Variants in FASTKD2 observed in about 807,000 individuals in gnomAD.
FASTKD2 encodes FAST kinase domains 2.
FASTKD2 carries 51 observed loss-of-function variants against 63.6 expected under a neutral mutation model. The ratio of observed to expected loss-of-function variants is 0.80; its 90% CI spans 0.64 to 1.01. FASTKD2 has a LOEUF of 1.01. Ranked by LOEUF, FASTKD2 falls within the 50% of genes least tolerant of loss-of-function variation. The pLI is 0.00. For missense variants in FASTKD2, 786 were observed against 831.1 expected, an observed-to-expected ratio of 0.95 and a Z score of 0.67; for synonymous variants, 284 against 293.4, an observed-to-expected ratio of 0.97 and a Z score of 0.33.
rs1689702141 is a variant in FASTKD2, at chr2:206,772,178, A to C, written c.1115-3A>C. On this transcript the variant is annotated splice_polypyrimidine_tract_variant and splice_region_variant and intron_variant, in intron 5 of 11. Transcript: ENST00000402774. ...TGTTTGTTTATTTAACTCATTCTTC[A>C]AGATAATATCCATGGGTGTCCTTTA... The C allele has an allele frequency of 6.2e-7, 1 of 1,611,366 alleles. No individual in the cohort carries two copies. Among genetic ancestry groups the C allele is most frequent in the South Asian group, 1.1e-5 (1 of 91,002 alleles).
intron 2 of FASTKD2, among the ~76,000 whole-genome samples, chr2:206,769,181 A>G (rs1689602017): frequency 6.6e-6 from 1 of 152,252 alleles, no homozygotes; most frequent in Non-Finnish European, 1.5e-5. Flanking sequence ...AAACACATAG[A>G]CAAGTGGTCT....
chr2:206,767,611 T>C, intron 2 of FASTKD2, 141 bp downstream of exon 2: 1 of 716,894 alleles, frequency 1.4e-6, no homozygotes, highest in Non-Finnish European at 2.3e-6. Flanking sequence ...TCTGCATATA[T>C]ATTATATGAT....
At chr2:206,777,586 G>A (rs189205354) in intron 7 of FASTKD2, among the ~76,000 whole-genome samples, 6 of 152,186 alleles carry the variant, frequency 3.9e-5, no homozygotes, top group African/African-American at 1.2e-4. Flanking sequence ...TTACATCTGT[G>A]TTCATCAGGG....
rs1259024642 is a variant in FASTKD2 at position 206,793,248 on chromosome 2, A to AAAAAAAAAC, written c.*1449_*1450insAAAAACAAA. ...AAAAAAAAAAAAAAAAAAAAAAAAA[A>AAAAAAAAAC]AAATACAAAAACTATAGCAATATGA... On this transcript the variant is annotated 3_prime_UTR_variant, in exon 12 of 12. Coordinates refer to ENST00000402774, the MANE Select transcript of FASTKD2 (RefSeq NM_001136193.2). 1.3e-4 allele frequency among the ~76,000 whole-genome samples: 16 copies of AAAAAAAAAC among 126,632 alleles called. 1 individual carries two copies. The highest frequency in any genetic ancestry group is 2.4e-4 in the Admixed American group (3 of 12,468). 83.1% of individuals were successfully genotyped at this position (126,632 alleles called of 152,430 possible).
rs142211558 is a variant in FASTKD2, at chr2:206,791,687, A to G, written c.2018A>G (p.Asn673Ser). 1.5e-3 allele frequency: 2,481 copies of G among 1,612,958 alleles called. 2 individuals carry two copies. The highest frequency in any genetic ancestry group is 3.2e-3 in the Admixed American group (195 of 60,020). ...TTTTCCTCTTTCTTTGGTAAGGTCAATAACTGGGAGATGGACAAACTAGAG... is the reference window on the plus strand; with the variant it reads ...TTTTCCTCTTTCTTTGGTAAGGTCAGTAACTGGGAGATGGACAAACTAGAG... ...NAMGFHVILV[N>S]NWEMDKLEME... Residue 673 changes from asparagine (N) to serine (S), a missense_variant, in exon 12 of 12, where the codon AAT (asparagine) becomes AGT (serine). By Grantham distance (46) the Asn-to-Ser change is conservative. Coordinates refer to ENST00000402774, the MANE Select transcript of FASTKD2 (RefSeq NM_001136193.2).
intron 3 of FASTKD2, among the ~76,000 whole-genome samples, chr2:206,770,747 A>AT (rs1288185796): frequency 2.0e-5 from 3 of 151,808 alleles, no homozygotes; most frequent in Admixed American, 1.3e-4. Flanking sequence ...AAAAAAAAAA[A>AT]TAGTACTGAT....
At chr2:206,773,028 G>A (rs947653150) in intron 6 of FASTKD2, among the ~76,000 whole-genome samples, 1 of 152,028 alleles carries the variant, frequency 6.6e-6, no homozygotes, top group Admixed American at 6.5e-5. Flanking sequence ...TAAAAGGGTT[G>A]TATGGGCTGG....
chr2:206,781,250 T>G (rs1407387714), intron 7 of FASTKD2, among the ~76,000 whole-genome samples: 5 of 151,754 alleles, frequency 3.3e-5, no homozygotes, highest in African/African-American at 1.2e-4. Flanking sequence ...AGGGAAAGAC[T>G]CTTATTAATC....
rs894813503 is a variant in FASTKD2 at position 206,792,525 on chromosome 2, T to C, written c.*723T>C. ...TTGTGAATCAGACCTGAGGACTATT[T>C]TTTCGATTATGTGTGTTCATTCTTT... On this transcript the variant is annotated 3_prime_UTR_variant, in exon 12 of 12. Coordinates refer to ENST00000402774, the MANE Select transcript of FASTKD2 (RefSeq NM_001136193.2). 3 of 152,330 alleles carry C rather than the reference T, an allele frequency of 2.0e-5. No individual in the cohort carries two copies. Among genetic ancestry groups the C allele is most frequent in the East Asian group, 1.9e-4 (1 of 5,182 alleles). 9.4% of individuals were successfully genotyped at this position (152,330 alleles called of 1,614,324 possible).
At chr2:206,778,895 C>A (rs997940400) in intron 7 of FASTKD2, among the ~76,000 whole-genome samples, 2 of 152,104 alleles carry the variant, frequency 1.3e-5, no homozygotes, top group South Asian at 2.1e-4. Flanking sequence ...TTATGAAACA[C>A]CCCCCTATGC....
intron 7 of FASTKD2, 85 bp downstream of exon 7, chr2:206,774,482 A>G: frequency 1.2e-6 from 1 of 858,028 alleles, no homozygotes; most frequent in Non-Finnish European, 1.9e-6. Context: ...GAATTATTAC[A>G]AGTGAACACA....
rs1690299364 is a variant in FASTKD2 at position 206,792,016 on chromosome 2, C to A, written c.*214C>A. On this transcript the variant is annotated 3_prime_UTR_variant, in exon 12 of 12. Transcript: ENST00000402774. ...CAGAAGGGTTATTTTTCCAACCACA[C>A]CTATTCCCTCTAGTGCCCAGATATT... 1.8e-6 allele frequency: 1 copy of A among 554,188 alleles called. No individual in the cohort carries two copies. Among genetic ancestry groups the A allele is most frequent in the Non-Finnish European group, 3.2e-6 (1 of 310,898 alleles). The allele number at this position is 554,188 out of a possible 1,614,324, so 34.3% of individuals were successfully genotyped here.
At position 206,788,748 on chromosome 2, in the gene FASTKD2, A is replaced by G; in HGVS notation, c.1814-71A>G. 6 of 771,894 alleles carry G rather than the reference A, an allele frequency of 7.8e-6. No individual in the cohort carries two copies. The South Asian group carries it at 7.8e-5, about 10-fold the overall frequency. 47.8% of individuals were successfully genotyped at this position (771,894 alleles called of 1,614,324 possible). On this transcript the variant is annotated intron_variant, in intron 9 of 11. Transcript: ENST00000402774. The stretch of plus-strand genomic sequence containing the variant: ...CCACATCTCAAAAAAAAAAAAAAAA[A>G]GGAAAAGAAAAGAAAAAGAAAGTCA...
Position 206,786,924 on chromosome 2 carries a change from C to A in FASTKD2, c.1594+25C>A. 11 of 1,463,462 alleles carry A rather than the reference C, an allele frequency of 7.5e-6. No homozygotes were observed. The South Asian group carries it at 1.1e-4, about 15-fold the overall frequency. The allele number at this position is 1,463,462 out of a possible 1,614,324, so 90.7% of individuals were successfully genotyped here. Reference sequence around the variant, plus strand: ...GGTAGGATGTTAGTGCAGAATTGGTCACCAATTGTGACCAATTCTGCACTA... The same window carrying A: ...GGTAGGATGTTAGTGCAGAATTGGTAACCAATTGTGACCAATTCTGCACTA... On this transcript the variant is annotated intron_variant, in intron 8 of 11. Transcript: ENST00000402774.
intron 2 of FASTKD2, 31 bp from the exon 3 acceptor site, chr2:206,770,060 C>G: frequency 1.5e-6 from 2 of 1,361,712 alleles, no homozygotes; most frequent in African/African-American, 2.8e-5. Context: ...GGCTCATCAC[C>G]TGTAGTGTTT....
intron 2 of FASTKD2, among the ~76,000 whole-genome samples, chr2:206,767,907 C>T (rs1689569621): frequency 6.6e-6 from 1 of 152,142 alleles, no homozygotes. Context: ...GATTGCATGC[C>T]CTACTGTTCC....
intron 6 of FASTKD2, among the ~76,000 whole-genome samples, chr2:206,773,855 T>C (rs574190103): frequency 6.6e-6 from 1 of 152,270 alleles, no homozygotes; most frequent in East Asian, 1.9e-4. Flanking sequence ...TGCGAGAAGT[T>C]CAAGATTGAG....
intron 7 of FASTKD2, among the ~76,000 whole-genome samples, chr2:206,785,993 T>C (rs964106346): frequency 2.6e-5 from 4 of 152,234 alleles, no homozygotes; most frequent in South Asian, 2.1e-4. Context: ...TTTCCACTTA[T>C]TCAAATTCTC....
intron 2 of FASTKD2, among the ~76,000 whole-genome samples, chr2:206,768,529 C>A (rs1462516731): frequency 6.6e-6 from 1 of 151,996 alleles, no homozygotes; most frequent in Non-Finnish European, 1.5e-5. Context: ...AGGGAGACTC[C>A]ATCTCTACAA....
Sources: gnomAD v4.1 joint callset for allele counts (sites outside exome capture counted in the v4.1 genomes callset) on GRCh38, gnomAD v4.1.1 for gene constraint, MANE v1.5 for transcripts, NCBI Gene and HGNC (gene_info 2026-07-23, HGNC 2026-07-21) for gene names.